The following CLEC16A variants were observed in gnomAD, a reference collection of about 807,000 sequenced individuals.
The protein encoded by CLEC16A is protein CLEC16A.
Under a neutral mutation model 109.5 loss-of-function variants are expected in CLEC16A, and 51 were observed. That is an observed-to-expected ratio of 0.47 (90% CI 0.37 to 0.59). The LOEUF (loss-of-function observed/expected upper bound fraction) is 0.59, where lower values mean the gene tolerates loss of function less well. CLEC16A is among the 20% of genes least tolerant of loss of function. The pLI is 0.00. For synonymous variants in CLEC16A, 673 were observed against 564.2 expected (o/e 1.19, Z -2.73); for missense variants, 1,339 against 1,394.0 (o/e 0.96, Z 0.63).
chr16:11,015,304 G>A (rs1374199466), intron 11 of CLEC16A, among the ~76,000 whole-genome samples: 2 of 151,806 alleles, frequency 1.3e-5, no homozygotes, highest in South Asian at 2.1e-4. Context: ...TGTGGGTCTG[G>A]TTCTGCGTCA....
chr16:11,175,159 T>C (rs568639909), intron 23 of CLEC16A, among the ~76,000 whole-genome samples: 1 of 152,160 alleles, frequency 6.6e-6, no homozygotes, highest in Non-Finnish European at 1.5e-5. Flanking sequence ...AAGTCACCAT[T>C]TGCTTGACAA....
chr16:11,168,121 A>G (rs79693349), intron 23 of CLEC16A, among the ~76,000 whole-genome samples: 1,916 of 152,286 alleles, frequency 0.013, 47 homozygotes, highest in African/African-American at 0.044. Flanking sequence ...GCAAAGACCC[A>G]CAGTATCAAA....
intron 11 of CLEC16A, among the ~76,000 whole-genome samples, chr16:11,018,830 CAGCCAGGCAGGGAT>C (rs2045925312): frequency 6.6e-6 from 1 of 151,674 alleles, no homozygotes; most frequent in African/African-American, 2.4e-5. Flanking sequence ...CAGCATGAGC[CAGCCAGGCAGGGAT>C]GGCCAGGAGG....
In CLEC16A at chr16:10,944,774, C is replaced by T. The variant is rs1258603923; in HGVS notation, c.57C>T (p.Asn19=). 1 of 1,609,758 alleles carries T rather than the reference C, an allele frequency of 6.2e-7. No homozygotes were observed. The highest frequency in any genetic ancestry group is 1.3e-5 in the African/African-American group (1 of 74,898). The change falls in exon 1 of 24, where the codon AAC becomes AAT. Residue 19 remains asparagine (N), a synonymous_variant. Transcript: ENST00000409790. Reference sequence around the variant, plus strand: ...GGGGCCATGGCAAGACTTCCCGCAACATCCACTCCTTGGACCACCTCAAGT... The same window carrying T: ...GGGGCCATGGCAAGACTTCCCGCAATATCCACTCCTTGGACCACCTCAAGT... ...VGGGHGKTSR[N]IHSLDHLKYL... is the part of the protein sequence containing the mutation.
intron 19 of CLEC16A, among the ~76,000 whole-genome samples, chr16:11,075,376 GTC>G (rs1285227937): frequency 2.2e-5 from 3 of 133,846 alleles, no homozygotes; most frequent in African/African-American, 8.5e-5. Flanking sequence ...CCTTGGATAT[GTC>G]TGTGTGTGTG....
At chr16:11,049,478 T>TTCTG (rs111824619) in intron 17 of CLEC16A, among the ~76,000 whole-genome samples, 2 of 150,928 alleles carry the variant, frequency 1.3e-5, no homozygotes, top group Non-Finnish European at 3.0e-5. Context: ...TCCCAGGTTT[T>TTCTG]TTTGTTTGTT....
At chr16:11,141,710 C>T (rs184780768) in intron 22 of CLEC16A, among the ~76,000 whole-genome samples, 230 of 152,254 alleles carry the variant, frequency 1.5e-3, no homozygotes, top group African/African-American at 5.3e-3. Flanking sequence ...GGGTGAGGGA[C>T]GGTCTGGGAT....
At chr16:11,027,089 T>A in intron 13 of CLEC16A, 1 of 1,544,896 alleles carries the variant, frequency 6.5e-7, no homozygotes, top group Non-Finnish European at 8.9e-7. Flanking sequence ...AGAGGAAGGC[T>A]TATCAGGCAC....
At chr16:10,975,891 A>G (rs558527154) in intron 7 of CLEC16A, among the ~76,000 whole-genome samples, 7 of 152,186 alleles carry the variant, frequency 4.6e-5, no homozygotes, top group South Asian at 2.1e-4. Context: ...ACCTAAAGCA[A>G]TCTGCCTGCC....
chr16:11,060,794 T>C lies in CLEC16A; in HGVS notation c.1996-108T>C, dbSNP rs2048439819. ...CCCGAAGAGGTGGGCTTTATTGCGT[T>C]TCTTTCTTTTTTAATAGAGAGTCAT... On this transcript the variant is annotated intron_variant, in intron 18 of 23. Transcript: ENST00000409790. 1.9e-5 allele frequency: 23 copies of C among 1,195,598 alleles called. No individual in the cohort carries two copies. In the South Asian group the frequency reaches 4.6e-4, roughly 24 times the overall value. The allele number at this position is 1,195,598 out of a possible 1,614,324, so 74.1% of individuals were successfully genotyped here. A position where few individuals can be genotyped will look rare whatever the true frequency, so the allele number is the denominator to read the frequency against.
At chr16:11,159,968 G>A (rs367821991) in intron 22 of CLEC16A, among the ~76,000 whole-genome samples, 1 of 152,154 alleles carries the variant, frequency 6.6e-6, no homozygotes. Context: ...AGGGAATGAG[G>A]CTGCAGGGCG....
chr16:11,161,579 G>A (rs568838668), intron 22 of CLEC16A, among the ~76,000 whole-genome samples: 34 of 152,290 alleles, frequency 2.2e-4, no homozygotes, highest in African/African-American at 6.0e-4. Context: ...GCCTTGACTC[G>A]AAAGATATCT....
At chr16:10,993,132 C>T (rs978759460) in intron 10 of CLEC16A, among the ~76,000 whole-genome samples, 1 of 152,110 alleles carries the variant, frequency 6.6e-6, no homozygotes, top group Admixed American at 6.5e-5. Flanking sequence ...TGGTTCATGC[C>T]TGTAATCCCA....
At chr16:11,130,319 C>T (rs2153045164) in intron 22 of CLEC16A, among the ~76,000 whole-genome samples, 1 of 152,272 alleles carries the variant, frequency 6.6e-6, no homozygotes, top group Non-Finnish European at 1.5e-5. Flanking sequence ...CACGGGAAGA[C>T]AAGGAAAGTC....
At chr16:10,989,229 G>A (rs79835424) in intron 10 of CLEC16A, among the ~76,000 whole-genome samples, 1 of 131,200 alleles carries the variant, frequency 7.6e-6, no homozygotes, top group African/African-American at 3.1e-5. Flanking sequence ...TTTGTTTTTT[G>A]TTTTTTTTTG....
chr16:11,081,525 A>G (rs1222512654), intron 19 of CLEC16A, among the ~76,000 whole-genome samples: 2 of 151,742 alleles, frequency 1.3e-5, no homozygotes, highest in South Asian at 2.1e-4. Context: ...TCCTTTTTGC[A>G]CTAAAAGGCT....
intron 12 of CLEC16A, among the ~76,000 whole-genome samples, chr16:11,021,550 C>T (rs576302661): frequency 4.2e-4 from 64 of 152,260 alleles, no homozygotes; most frequent in African/African-American, 1.4e-3. Context: ...GAAATCCTAG[C>T]GCTTTGGGAG....
At chr16:11,106,362 C>A (rs1034134479) in intron 19 of CLEC16A, among the ~76,000 whole-genome samples, 2 of 151,984 alleles carry the variant, frequency 1.3e-5, no homozygotes, top group African/African-American at 4.8e-5. Context: ...GATCATAGCT[C>A]ACTGCAGCCT....
intron 19 of CLEC16A, among the ~76,000 whole-genome samples, chr16:11,070,093 C>T (rs1450501438): frequency 2.0e-5 from 3 of 150,172 alleles, no homozygotes; most frequent in African/African-American, 7.4e-5. Context: ...TTTTTTGAGA[C>T]GGAGTCTCAC....
Sources: allele counts gnomAD v4.1 joint callset (sites outside exome capture counted in the v4.1 genomes callset), GRCh38; gene constraint gnomAD v4.1.1; transcripts MANE v1.5; gene names NCBI Gene and HGNC (gene_info 2026-07-23, HGNC 2026-07-21).